L3MBTL4: variants seen among roughly 807,000 people sequenced by gnomAD.
The protein encoded by L3MBTL4 is lethal(3)malignant brain tumor-like protein 4.
A neutral mutation model predicts 84.5 loss-of-function variants in L3MBTL4; 70 were observed. The ratio of observed to expected loss-of-function variants is 0.83; its 90% confidence interval spans 0.68 to 1.01. L3MBTL4 has a LOEUF of 1.01. Ranked by LOEUF, L3MBTL4 falls within the 50% of genes least tolerant of loss-of-function variation. L3MBTL4 has a pLI of 0.00. For synonymous variants in L3MBTL4, 274 were observed against 259.8 expected, an observed-to-expected ratio of 1.05 and a Z score of -0.52; for missense variants, 715 against 754.8, an observed-to-expected ratio of 0.95 and a Z score of 0.62.
intron 16 of L3MBTL4, among the ~76,000 whole-genome samples, chr18:6,049,141 G>T (rs975320715): frequency 1.3e-5 from 2 of 152,002 alleles, no homozygotes; most frequent in Non-Finnish European, 2.9e-5. Context: ...AAAAAAAAAG[G>T]CAAAATAGAA....
At chr18:6,152,181 G>A (rs546692381) in intron 13 of L3MBTL4, among the ~76,000 whole-genome samples, 4 of 152,078 alleles carry the variant, frequency 2.6e-5, no homozygotes, top group African/African-American at 4.8e-5. Context: ...GAATAATGAC[G>A]CAATGAACAT....
intron 16 of L3MBTL4, among the ~76,000 whole-genome samples, chr18:6,011,635 T>C (rs893015439): frequency 2.0e-5 from 3 of 152,200 alleles, no homozygotes; most frequent in African/African-American, 4.8e-5. Flanking sequence ...TTATTTACCC[T>C]TGTGAAGGCA....
At chr18:6,319,650 C>CA (rs1042615607) in intron 1 of L3MBTL4, among the ~76,000 whole-genome samples, 9 of 151,162 alleles carry the variant, frequency 6.0e-5, no homozygotes, top group East Asian at 3.9e-4. Flanking sequence ...AAAATGTCAA[C>CA]AAAAAAAAGC....
intron 16 of L3MBTL4, among the ~76,000 whole-genome samples, chr18:5,991,454 A>G (rs1341127024): frequency 6.6e-6 from 1 of 152,028 alleles, no homozygotes; most frequent in Admixed American, 6.5e-5. Context: ...CTGTTGATTG[A>G]CTCTAAATGA....
intron 16 of L3MBTL4, chr18:6,046,904 A>G (rs910433931): frequency 1.5e-5 from 8 of 528,208 alleles, no homozygotes; most frequent in East Asian, 9.0e-5. Context: ...GACTAAAATC[A>G]GAGCAGAACT....
intron 5 of L3MBTL4, among the ~76,000 whole-genome samples, chr18:6,250,413 T>C (rs191622756): frequency 6.6e-6 from 1 of 152,288 alleles, no homozygotes; most frequent in Admixed American, 6.5e-5. Flanking sequence ...TGAGATCGAA[T>C]AGATGATGCT....
chr18:6,228,652 G>A (rs1232076203), intron 10 of L3MBTL4, among the ~76,000 whole-genome samples: 4 of 151,996 alleles, frequency 2.6e-5, no homozygotes, highest in Middle Eastern at 3.2e-3. Context: ...TAATTATTAG[G>A]GAAATGGCAA....
intron 17 of L3MBTL4, among the ~76,000 whole-genome samples, chr18:5,965,509 C>T (rs958274950): frequency 6.6e-6 from 1 of 152,206 alleles, no homozygotes; most frequent in African/African-American, 2.4e-5. Flanking sequence ...AAAAGCACCC[C>T]TGAGCCCCCA....
At chr18:6,238,172 GA>G in intron 9 of L3MBTL4, 132 bp from the exon 10 acceptor site, 1 of 776,470 alleles carries the variant, frequency 1.3e-6, no homozygotes, top group Non-Finnish European at 2.2e-6. Context: ...GAATTAGAAG[GA>G]ATTTTCAGTA....
At chr18:6,163,951 T>A (rs535469172) in intron 13 of L3MBTL4, among the ~76,000 whole-genome samples, 1 of 152,246 alleles carries the variant, frequency 6.6e-6, no homozygotes, top group African/African-American at 2.4e-5. Flanking sequence ...GGGTGACAGA[T>A]GGCACCTGGA....
At chr18:6,029,098 C>A (rs1269657057) in intron 16 of L3MBTL4, among the ~76,000 whole-genome samples, 1 of 152,122 alleles carries the variant, frequency 6.6e-6, no homozygotes, top group African/African-American at 2.4e-5. Context: ...CTACTTCTCA[C>A]CCACTGTTCT....
At chr18:6,235,432 G>T (rs1599272447) in intron 10 of L3MBTL4, among the ~76,000 whole-genome samples, 1 of 152,050 alleles carries the variant, frequency 6.6e-6, no homozygotes, top group Admixed American at 6.6e-5. Context: ...TAAACCAAAT[G>T]TTCATCCACA....
chr18:5,977,834 C>A (rs2053019162), intron 16 of L3MBTL4, among the ~76,000 whole-genome samples: 1 of 152,106 alleles, frequency 6.6e-6, no homozygotes, highest in Non-Finnish European at 1.5e-5. Context: ...GCCTCATCAC[C>A]CTCTGTGGCA....
intron 1 of L3MBTL4, among the ~76,000 whole-genome samples, chr18:6,380,642 A>G (rs865983360): frequency 1.3e-5 from 2 of 152,184 alleles, no homozygotes; most frequent in Admixed American, 1.3e-4. Flanking sequence ...TGAGTTTCTT[A>G]ATCCTGAGTT....
chr18:6,028,642 A>G (rs1399538797), intron 16 of L3MBTL4, among the ~76,000 whole-genome samples: 1 of 152,232 alleles, frequency 6.6e-6, no homozygotes, highest in Admixed American at 6.5e-5. Context: ...GGCCATTTTC[A>G]TGATATTGAT....
At chr18:5,960,229 T>C in intron 17 of L3MBTL4, 73 bp from the exon 18 acceptor site, 1 of 828,402 alleles carries the variant, frequency 1.2e-6, no homozygotes, top group East Asian at 2.7e-5. Context: ...TAATCCAACA[T>C]TTAAGTAAAA....
At chr18:6,135,554 TTTCTCAAGTTCA>T (rs1259199872) in intron 14 of L3MBTL4, among the ~76,000 whole-genome samples, 1 of 152,232 alleles carries the variant, frequency 6.6e-6, no homozygotes, top group Non-Finnish European at 1.5e-5. Context: ...CTAAATCATC[TTTCTCAAGTTCA>T]AAGTTCCACA....
intron 1 of L3MBTL4, among the ~76,000 whole-genome samples, chr18:6,320,177 A>G (rs1429975235): frequency 6.6e-6 from 1 of 152,098 alleles, no homozygotes; most frequent in East Asian, 1.9e-4. Flanking sequence ...TGACATACTT[A>G]CAGCCAACAT....
chr18:6,116,577 T>C (rs2059368261), intron 14 of L3MBTL4, among the ~76,000 whole-genome samples: 1 of 152,064 alleles, frequency 6.6e-6, no homozygotes, highest in East Asian at 1.9e-4. Context: ...TTGGTCAGGC[T>C]GGTCTCAAAC....
Sources: allele counts gnomAD v4.1 joint callset (sites outside exome capture counted in the v4.1 genomes callset), GRCh38; gene constraint gnomAD v4.1.1; transcripts MANE v1.5; gene names NCBI Gene and HGNC (gene_info 2026-07-23, HGNC 2026-07-21).